Variants in PLEKHG1 observed in about 807,000 individuals in gnomAD.
PLEKHG1 encodes pleckstrin homology and RhoGEF domain containing G1.
PLEKHG1 carries 44 observed loss-of-function variants against 100.8 expected under a neutral mutation model. The observed-to-expected ratio is 0.44, with a 90% CI of 0.34 to 0.56. PLEKHG1 has a LOEUF of 0.56. PLEKHG1 is among the 20% of genes least tolerant of loss of function. The pLI, the probability that PLEKHG1 is intolerant of heterozygous loss-of-function variation, is 0.01. For synonymous variants in PLEKHG1, 640 were observed against 662.5 expected (o/e 0.97, Z 0.52); for missense variants, 1,545 against 1,720.9 (o/e 0.90, Z 1.81).
chr6:150,764,159 C>T (rs1457795301), intron 2 of PLEKHG1, among the ~76,000 whole-genome samples: 5 of 147,088 alleles, frequency 3.4e-5, no homozygotes, highest in African/African-American at 1.3e-4. Context: ...CTCTTGTTGC[C>T]CAGGCTGGAG....
At chr6:150,619,580 C>T (rs955222741) in intron 1 of PLEKHG1, among the ~76,000 whole-genome samples, 1 of 152,134 alleles carries the variant, frequency 6.6e-6, no homozygotes, top group Non-Finnish European at 1.5e-5. Context: ...TGAGATGCTT[C>T]ATACCAAGGG....
chr6:150,663,126 A>G (rs1019510939), intron 3 of PLEKHG1: 1 of 152,170 alleles, frequency 6.6e-6, no homozygotes, highest in African/African-American at 2.4e-5. Context: ...AAGATAGCCA[A>G]GAAAGCTTTT....
intron 3 of PLEKHG1, chr6:150,651,746 C>G (rs1385555427): frequency 1.3e-5 from 2 of 152,066 alleles, no homozygotes; most frequent in Admixed American, 6.5e-5. Flanking sequence ...GTAATCCCAA[C>G]TACTCGGGAG....
At chr6:150,710,744 C>T in intron 3 of PLEKHG1, among the ~76,000 whole-genome samples, 1 of 152,176 alleles carries the variant, frequency 6.6e-6, no homozygotes, top group East Asian at 1.9e-4. Flanking sequence ...GGTACACCAG[C>T]AGTCTATGCC....
chr6:150,750,050 T>G (rs13201828), intron 2 of PLEKHG1, among the ~76,000 whole-genome samples: 19,209 of 146,838 alleles, frequency 0.13, 2,003 homozygotes, highest in African/African-American at 0.29. Context: ...CCAGCCTGGG[T>G]GACAGAGCAA....
At chr6:150,769,315 CTCACACCTGTAA>C (rs1304367945) in intron 3 of PLEKHG1, among the ~76,000 whole-genome samples, 1 of 152,026 alleles carries the variant, frequency 6.6e-6, no homozygotes. Context: ...GACATGGTGG[CTCACACCTGTAA>C]TCCCAGCACT....
chr6:150,824,678 C>T (rs1053707382), intron 14 of PLEKHG1, among the ~76,000 whole-genome samples: 8 of 151,516 alleles, frequency 5.3e-5, no homozygotes, highest in South Asian at 2.1e-4. Context: ...TACAGGCACC[C>T]GCCACTAGGC....
At chr6:150,835,184 G>C (rs750716619) in intron 15 of PLEKHG1, among the ~76,000 whole-genome samples, 40 of 152,226 alleles carry the variant, frequency 2.6e-4, no homozygotes, top group Admixed American at 2.0e-4. Context: ...AGGTCCAGTT[G>C]CTCCCATATC....
chr6:150,840,592 CAGA>C, exon 16 of PLEKHG1: 12 of 1,614,146 alleles, frequency 7.4e-6, no homozygotes, highest in Non-Finnish European at 1.0e-5. Context: ...GAAATCAAGT[CAGA>C]AGAAGATGAG....
At chr6:150,813,316 A>AAC (rs1352417145) in intron 10 of PLEKHG1, among the ~76,000 whole-genome samples, 2 of 151,616 alleles carry the variant, frequency 1.3e-5, no homozygotes, top group African/African-American at 4.8e-5. Flanking sequence ...AAAAAAAAAA[A>AAC]AAACAAAATG....
At chr6:150,819,919 C>T (rs1287110879) in intron 12 of PLEKHG1, 145 bp downstream of exon 13, 14 of 619,066 alleles carry the variant, frequency 2.3e-5, no homozygotes, top group Non-Finnish European at 4.1e-5. Context: ...TAAGATGGGA[C>T]TCATGAGCTT....
At chr6:150,710,403 G>A (rs1034732457) in intron 3 of PLEKHG1, among the ~76,000 whole-genome samples, 6 of 152,132 alleles carry the variant, frequency 3.9e-5, no homozygotes, top group Admixed American at 1.3e-4. Flanking sequence ...GAAATGCCGG[G>A]CAGGGAAGTT....
chr6:150,772,424 A>G (rs1053078860), intron 3 of PLEKHG1, among the ~76,000 whole-genome samples: 1 of 152,210 alleles, frequency 6.6e-6, no homozygotes, highest in Non-Finnish European at 1.5e-5. Flanking sequence ...GTTTGAGACC[A>G]GCCTGGGCAA....
intron 3 of PLEKHG1, among the ~76,000 whole-genome samples, chr6:150,708,140 C>A (rs1229929326): frequency 6.6e-6 from 1 of 152,200 alleles, no homozygotes; most frequent in Admixed American, 6.5e-5. Flanking sequence ...GATCTCACAG[C>A]CAAGTTGCCT....
chr6:150,746,418 G>T (rs4869942), intron 2 of PLEKHG1, among the ~76,000 whole-genome samples: 26,098 of 152,068 alleles, frequency 0.17, 2,378 homozygotes, highest in Admixed American at 0.23. Flanking sequence ...ACTCAGACTA[G>T]AAGATTAAAG....
At chr6:150,698,321 G>C (rs903356943) in intron 3 of PLEKHG1, among the ~76,000 whole-genome samples, 3 of 152,162 alleles carry the variant, frequency 2.0e-5, no homozygotes, top group South Asian at 4.1e-4. Context: ...ATGGATTTTG[G>C]AGCATTTTGG....
At chr6:150,644,334 G>GTTTTGTTTTTTTTTTTTTTTTTTT (rs1554255839) in intron 2 of PLEKHG1, among the ~76,000 whole-genome samples, 1 of 117,622 alleles carries the variant, frequency 8.5e-6, no homozygotes, top group African/African-American at 3.5e-5. Flanking sequence ...TTCTTTTCGT[G>GTTTTGTTTTTTTTTTTTTTTTTTT]TTTTTTTTTT....
At chr6:150,687,870 A>G (rs982379566) in intron 3 of PLEKHG1, among the ~76,000 whole-genome samples, 1 of 152,204 alleles carries the variant, frequency 6.6e-6, no homozygotes, top group Non-Finnish European at 1.5e-5. Context: ...GCATGCTCTG[A>G]TCTATAGCTA....
At chr6:150,666,855 G>T (rs1295440902) in intron 3 of PLEKHG1, among the ~76,000 whole-genome samples, 3 of 151,730 alleles carry the variant, frequency 2.0e-5, no homozygotes, top group African/African-American at 7.3e-5. Flanking sequence ...CCGCCTCCCG[G>T]GTTCACACCA....
Sources: gnomAD v4.1 joint callset for allele counts (sites outside exome capture counted in the v4.1 genomes callset) on GRCh38, gnomAD v4.1.1 for gene constraint, MANE v1.5 for transcripts, NCBI Gene and HGNC (gene_info 2026-07-23, HGNC 2026-07-21) for gene names.